The following GABPB2 variants were observed in gnomAD, a reference collection of about 807,000 sequenced individuals.
GABPB2 encodes the protein GA binding protein transcription factor subunit beta 2.
GABPB2 carries 23 observed loss-of-function variants against 39.1 expected under a neutral mutation model. The ratio of observed to expected loss-of-function variants is 0.59; its 90% CI spans 0.42 to 0.83. GABPB2 has a LOEUF of 0.83. GABPB2 is among the 40% of genes least tolerant of loss of function. The probability of loss-of-function intolerance (pLI) is 0.00; values close to 1 mark genes in which losing one functional copy is unlikely to be tolerated. For missense variants in GABPB2, 467 were observed against 541.1 expected (o/e 0.86, Z 1.36); for synonymous variants, 184 against 199.3 (o/e 0.92, Z 0.65).
chr1:151,100,580 C>CTTAT (rs1679435436), intron 5 of GABPB2, among the ~76,000 whole-genome samples: 2 of 46,688 alleles, frequency 4.3e-5, no homozygotes, highest in African/African-American at 1.6e-4. Flanking sequence ...TGTGCCTGGC[C>CTTAT]TTTTTTTTTT....
At chr1:151,075,225 T>A (rs1204493439) in intron 1 of GABPB2, among the ~76,000 whole-genome samples, 1 of 150,802 alleles carries the variant, frequency 6.6e-6, no homozygotes, top group Non-Finnish European at 1.5e-5. Flanking sequence ...GGTCAGGAGA[T>A]CAAGACCATC....
chr1:151,094,997 A>G (rs971338867), intron 4 of GABPB2, among the ~76,000 whole-genome samples: 6 of 122,810 alleles, frequency 4.9e-5, no homozygotes, highest in Admixed American at 8.7e-5. Context: ...GTGACACAGC[A>G]GGATTCCATC....
chr1:151,101,808 T>G (rs1302181202), intron 5 of GABPB2, among the ~76,000 whole-genome samples: 2 of 152,122 alleles, frequency 1.3e-5, no homozygotes, highest in African/African-American at 4.8e-5. Context: ...GTGAAAGAAA[T>G]AGAGAAATAT....
chr1:151,075,053 A>G (rs1677048175), intron 1 of GABPB2, among the ~76,000 whole-genome samples: 1 of 151,920 alleles, frequency 6.6e-6, no homozygotes, highest in Non-Finnish European at 1.5e-5. Context: ...GAGGCAGGAG[A>G]ATTGCTTGAG....
Position 151,123,692 on chromosome 1 carries a change from A to C in GABPB2, c.*5436A>C, listed in dbSNP as rs1173802200. 6.6e-6 allele frequency: 1 copy of C among 151,644 alleles called. No homozygotes were observed. The highest frequency in any genetic ancestry group is 1.5e-5 in the Non-Finnish European group (1 of 68,042). The allele number at this position is 151,644 out of a possible 1,614,324, so 9.4% of individuals were successfully genotyped here. On this transcript the variant is annotated 3_prime_UTR_variant, in exon 9 of 9. Coordinates refer to ENST00000368918, the MANE Select transcript of GABPB2 (RefSeq NM_144618.3). The stretch of plus-strand genomic sequence containing the variant: ...ACAGTGAAACCCTGGCCCTACTAAA[A>C]ATACAAAAAATTAGCCGGGCGTGGT...
At chr1:151,071,162 G>T (rs1236599362) in intron 1 of GABPB2, among the ~76,000 whole-genome samples, 2 of 152,024 alleles carry the variant, frequency 1.3e-5, no homozygotes, top group African/African-American at 2.4e-5. Flanking sequence ...GGGGGTGGGT[G>T]TAAGACCTGG....
chr1:151,118,149 G>A lies in GABPB2; in HGVS notation c.1240G>A (p.Val414Ile), dbSNP rs1204336834. Residue 414 changes from valine (V) to isoleucine (I), a missense_variant, in exon 9 of 9, where the codon GTA becomes ATA. Physicochemically the swap from Val to Ile is conservative, Grantham distance 29. Transcript: ENST00000368918. ...MVEEVAEVDA[V>I]VVTEGELEER... ...TGAAGAGGTGGCTGAGGTAGATGCT[G>A]TAGTAGTCACAGAGGGGGAGTTGGA... The A allele has an allele frequency of 2.5e-6, 4 of 1,614,078 alleles. No homozygotes were observed. Among genetic ancestry groups the A allele is most frequent in the African/African-American group, 1.3e-5 (1 of 74,942 alleles).
intron 6 of GABPB2, among the ~76,000 whole-genome samples, chr1:151,104,485 C>T (rs146888484): frequency 1.0e-3 from 156 of 152,266 alleles, no homozygotes; most frequent in African/African-American, 3.2e-3. Context: ...TATGAGGGAA[C>T]AACATAGCAA....
intron 6 of GABPB2, among the ~76,000 whole-genome samples, chr1:151,104,802 T>TTTCTTTCTTTCTTTCCTTTC (rs10638922): frequency 7.2e-6 from 1 of 139,360 alleles, no homozygotes; most frequent in Non-Finnish European, 1.5e-5. Context: ...TCTTTCTTTC[T>TTTCTTTCTTTCTTTCCTTTC]TTTCTTTCTT....
intron 7 of GABPB2, among the ~76,000 whole-genome samples, chr1:151,116,461 T>TTG (rs1680881061): frequency 1.3e-5 from 2 of 151,246 alleles, no homozygotes; most frequent in African/African-American, 2.4e-5. Flanking sequence ...GTCATGTGTG[T>TTG]TGTGTGTGTG....
chr1:151,113,671 C>T (rs1475008893), intron 7 of GABPB2, among the ~76,000 whole-genome samples: 1 of 152,084 alleles, frequency 6.6e-6, no homozygotes, highest in Non-Finnish European at 1.5e-5. Context: ...CACATGCCAC[C>T]ATGCCCACCT....
At chr1:151,075,563 CAA>C (rs35110350) in intron 1 of GABPB2, among the ~76,000 whole-genome samples, 22 of 44,268 alleles carry the variant, frequency 5.0e-4, no homozygotes, top group African/African-American at 1.8e-3. Flanking sequence ...GACTTTGTCT[CAA>C]AAAAAAAAAA....
chr1:151,078,437 C>A (rs587628537), intron 1 of GABPB2, among the ~76,000 whole-genome samples: 24 of 150,500 alleles, frequency 1.6e-4, no homozygotes, highest in African/African-American at 5.6e-4. Flanking sequence ...ACTAAAAATC[C>A]AAAAAATTAG....
chr1:151,096,034 C>CAA (rs11307389), intron 4 of GABPB2, among the ~76,000 whole-genome samples: 1 of 107,522 alleles, frequency 9.3e-6, no homozygotes, highest in Non-Finnish European at 2.0e-5. Context: ...GTGAGACTCT[C>CAA]AAAAAAAAAA....
intron 1 of GABPB2, among the ~76,000 whole-genome samples, chr1:151,087,373 G>T (rs587772882): frequency 6.6e-6 from 1 of 151,760 alleles, no homozygotes; most frequent in Non-Finnish European, 1.5e-5. Context: ...TGGGCCGGGC[G>T]CAGTGGCTCA....
In GABPB2 at chr1:151,122,232, TTTTCTCCACAGATC is replaced by T. The variant is rs1681210125; in HGVS notation, c.*3978_*3991del. 1 of 141,958 alleles carries T rather than the reference TTTTCTCCACAGATC, an allele frequency of 7.0e-6. No individual in the cohort carries two copies. The highest frequency in any genetic ancestry group is 2.7e-5 in the African/African-American group (1 of 36,608). The allele number at this position is 141,958 out of a possible 1,614,324, so 8.8% of individuals were successfully genotyped here. On this transcript the variant is annotated 3_prime_UTR_variant, in exon 9 of 9. Coordinates refer to ENST00000368918, the MANE Select transcript of GABPB2 (RefSeq NM_144618.3). ...TAGCTAGGTTTTCTCCACAGATCTG[TTTTCTCCACAGATC>T]TGAGTACTTAACACTTCCCAGATGA...
At chr1:151,079,169 G>T (rs1677439754) in intron 1 of GABPB2, among the ~76,000 whole-genome samples, 1 of 152,110 alleles carries the variant, frequency 6.6e-6, no homozygotes, top group Admixed American at 6.6e-5. Context: ...TAAAATCATG[G>T]CTTGTTGAAA....
At position 151,122,604 on chromosome 1, in the gene GABPB2, C is replaced by G. The variant is rs1681222715; in HGVS notation, c.*4348C>G. ...TTAACTCTGCAGATGATATTCAGGC[C>G]CAACCAGCTCACTCTCTGGGGTGGC... On this transcript the variant is annotated 3_prime_UTR_variant, in exon 9 of 9. Transcript: ENST00000368918. 1 of 151,948 alleles carries G rather than the reference C, an allele frequency of 6.6e-6. No individual in the cohort carries two copies. The allele number at this position is 151,948 out of a possible 1,614,324, so 9.4% of individuals were successfully genotyped here.
At position 151,124,998 on chromosome 1, in the gene GABPB2, A is replaced by G. The variant is rs1681322013; in HGVS notation, c.*6742A>G. 1 of 151,364 alleles carries G rather than the reference A, an allele frequency of 6.6e-6. No homozygotes were observed. Among genetic ancestry groups the G allele is most frequent in the African/African-American group, 2.4e-5 (1 of 41,306 alleles). The allele number at this position is 151,364 out of a possible 1,614,324, so 9.4% of individuals were successfully genotyped here. A position where few individuals can be genotyped will look rare whatever the true frequency, so the allele number is the denominator to read the frequency against. On this transcript the variant is annotated 3_prime_UTR_variant, in exon 9 of 9. Coordinates refer to ENST00000368918, the MANE Select transcript of GABPB2 (RefSeq NM_144618.3). ...TTTGTGATTCCATTGTTCCTATCTC[A>G]TTGAGGCTTTCCCAGGCATTCGAAT... is the stretch of plus-strand genomic sequence containing the variant.
Sources: allele counts gnomAD v4.1 joint callset (sites outside exome capture counted in the v4.1 genomes callset), GRCh38; gene constraint gnomAD v4.1.1; transcripts MANE v1.5; gene names NCBI Gene and HGNC (gene_info 2026-07-23, HGNC 2026-07-21).